ZFAT: variants seen among roughly 807,000 people sequenced by gnomAD.
ZFAT encodes the protein zinc finger and AT-hook domain containing.
Under a neutral mutation model 117.7 loss-of-function variants are expected in ZFAT, and 64 were observed. The observed-to-expected ratio is 0.54, with a 90% CI of 0.44 to 0.67. ZFAT has a LOEUF of 0.67. Among genes scored for constraint, ZFAT ranks in the 30% least tolerant of loss-of-function variants. The pLI is 0.00. For synonymous variants in ZFAT, 679 were observed against 615.0 expected (o/e 1.10, Z -1.54); for missense variants, 1,433 against 1,584.5 (o/e 0.90, Z 1.62).
the ZFAT span, among the ~76,000 whole-genome samples, chr8:134,764,428 A>T: frequency 2.0e-5 from 3 of 152,346 alleles, no homozygotes; most frequent in East Asian, 5.8e-4. Context: ...ATTGGCTTGA[A>T]TGGTTTTAAG....
At chr8:134,664,363 A>G (rs1171559133) in intron 1 of ZFAT, among the ~76,000 whole-genome samples, 1 of 152,186 alleles carries the variant, frequency 6.6e-6, no homozygotes, top group Non-Finnish European at 1.5e-5. Context: ...ACAGCCACAC[A>G]GAGCCCACGA....
At chr8:134,797,655 A>T in the ZFAT span, 1 of 152,132 alleles carries the variant, frequency 6.6e-6, no homozygotes, top group East Asian at 1.9e-4. Context: ...TTTGAATCAC[A>T]GGAATAATGT....
chr8:134,800,034 C>A, the ZFAT span, among the ~76,000 whole-genome samples: 3 of 152,136 alleles, frequency 2.0e-5, no homozygotes. Context: ...TCCTCCAAAT[C>A]CCGTAGCAAA....
the ZFAT span, among the ~76,000 whole-genome samples, chr8:134,752,672 A>T: frequency 2.0e-5 from 3 of 152,194 alleles, no homozygotes; most frequent in Admixed American, 6.5e-5. Flanking sequence ...GGAAAGTCCA[A>T]GATCAAGGTA....
At chr8:134,789,068 C>A in the ZFAT span, among the ~76,000 whole-genome samples, 1 of 152,110 alleles carries the variant, frequency 6.6e-6, no homozygotes, top group African/African-American at 2.4e-5. Flanking sequence ...TTCTATTTTG[C>A]AACTTTAAAT....
chr8:134,697,033 T>G (rs1343269708), intron 1 of ZFAT, among the ~76,000 whole-genome samples: 3 of 150,196 alleles, frequency 2.0e-5, no homozygotes, highest in African/African-American at 4.9e-5. Context: ...TCCTCCCACC[T>G]TAGCCTCCAG....
intron 1 of ZFAT, among the ~76,000 whole-genome samples, chr8:134,697,249 G>A (rs1833887276): frequency 6.6e-6 from 1 of 152,004 alleles, no homozygotes; most frequent in Non-Finnish European, 1.5e-5. Flanking sequence ...GAGTACCTGG[G>A]ATTACGGGCA....
chr8:134,732,085 A>T, the ZFAT span, among the ~76,000 whole-genome samples: 6 of 152,318 alleles, frequency 3.9e-5, no homozygotes, highest in Admixed American at 2.0e-4. Flanking sequence ...AAATGCAAAC[A>T]TGGCATTTCC....
At position 134,478,569 on chromosome 8, in the gene ZFAT, C is replaced by G; in HGVS notation, c.3645G>C (p.Gly1215=). The G allele has an allele frequency of 1.9e-6, 3 of 1,594,496 alleles. No individual in the cohort carries two copies. The highest frequency in any genetic ancestry group is 2.6e-6 in the Non-Finnish European group (3 of 1,171,130). ...IETVTVYTQG[G]EASEFIVYVQ... ...CGTAGACGATGAACTCCGAGGCCTCCCCGCCCTGCGTGTAGACAGTCACCG... is the reference window on the plus strand; with the variant it reads ...CGTAGACGATGAACTCCGAGGCCTCGCCGCCCTGCGTGTAGACAGTCACCG... The change falls in exon 16 of 16, where the codon GGG becomes GGC. Residue 1215 remains glycine (G), a synonymous_variant. Transcript: ENST00000377838. This position sits in a 1 kb window ranked among gnomAD's most constrained non-coding sequence, Gnocchi z 5.2.
intron 11 of ZFAT, among the ~76,000 whole-genome samples, chr8:134,536,475 C>T (rs1485786554): frequency 6.6e-6 from 1 of 152,160 alleles, no homozygotes; most frequent in African/African-American, 2.4e-5. Context: ...TCAATTACCA[C>T]CCATTTTCTG....
intron 15 of ZFAT, among the ~76,000 whole-genome samples, chr8:134,495,758 T>C (rs1307947843): frequency 6.6e-6 from 1 of 152,186 alleles, no homozygotes; most frequent in African/African-American, 2.4e-5. Flanking sequence ...GGCAAAATCC[T>C]GTCTCTAGAA....
the ZFAT span, among the ~76,000 whole-genome samples, chr8:134,750,209 C>T: frequency 0.78 from 118,161 of 152,092 alleles, 46,031 homozygotes; most frequent in African/African-American, 0.83. Context: ...TTTCATAGAT[C>T]TATTCCTAAG....
intron 15 of ZFAT, among the ~76,000 whole-genome samples, chr8:134,487,077 GGTGT>G (rs571805385): frequency 9.5e-4 from 145 of 152,196 alleles, no homozygotes; most frequent in Non-Finnish European, 1.8e-3. Context: ...GAGGTTTATG[GGTGT>G]GTGTGTACAT....
the ZFAT span, among the ~76,000 whole-genome samples, chr8:134,812,078 A>T: frequency 6.6e-6 from 1 of 152,180 alleles, no homozygotes; most frequent in Non-Finnish European, 1.5e-5. Flanking sequence ...TGGGAGGCAG[A>T]GGTTGCAGTG....
In ZFAT at chr8:134,516,226, T is replaced by C. The variant is rs183797182; in HGVS notation, c.3235-3625A>G. ...CCAATGTTCCTCCATCCATGGTGTTTTCTGTAAATTGGTCACTGGATACAA... is the reference window on the plus strand; with the variant it reads ...CCAATGTTCCTCCATCCATGGTGTTCTCTGTAAATTGGTCACTGGATACAA... On this transcript the variant is annotated intron_variant, in intron 13 of 15. Transcript: ENST00000377838. Among the ~76,000 whole-genome samples the C allele has an allele frequency of 3.3e-4, 50 of 152,360 alleles. No individual in the cohort carries two copies. In the East Asian group the frequency reaches 9.3e-3, roughly 28 times the overall value.
the ZFAT span, among the ~76,000 whole-genome samples, chr8:134,761,982 A>ATGTGTGTGTGTGTGTGTGTG: frequency 1.4e-3 from 212 of 147,242 alleles, no homozygotes; most frequent in African/African-American, 5.1e-3. Flanking sequence ...TTCTCTCTGT[A>ATGTGTGTGTGTGTGTGTGTG]TGTGTGTGTG....
At chr8:134,712,682 A>G (rs1454442394) in intron 1 of ZFAT, among the ~76,000 whole-genome samples, 163 bp downstream of exon 1, 1 of 146,020 alleles carries the variant, frequency 6.8e-6, no homozygotes, top group African/African-American at 2.6e-5. Flanking sequence ...GCAGAACGCA[A>G]CTACGTTCGC....
At chr8:134,813,922 G>C in the ZFAT span, among the ~76,000 whole-genome samples, 4 of 151,714 alleles carry the variant, frequency 2.6e-5, no homozygotes, top group Admixed American at 2.6e-4. Flanking sequence ...ATGGCAACAA[G>C]TCATACCCAA....
At chr8:134,785,881 T>C in the ZFAT span, 2 of 152,214 alleles carry the variant, frequency 1.3e-5, no homozygotes, top group East Asian at 1.9e-4. Flanking sequence ...AGTGAATTTA[T>C]AGATTTGGAG....
Sources: allele counts gnomAD v4.1 joint callset (sites outside exome capture counted in the v4.1 genomes callset), GRCh38; gene constraint gnomAD v4.1.1; non-coding constraint Gnocchi (gnomAD v3.1); transcripts MANE v1.5; gene names NCBI Gene and HGNC (gene_info 2026-07-23, HGNC 2026-07-21).